SHISA9: variants seen among roughly 807,000 people sequenced by gnomAD.
SHISA9 encodes the protein shisa family member 9.
SHISA9 carries 13 observed loss-of-function variants against 38.0 expected under a neutral mutation model. The observed-to-expected ratio is 0.34, with a 90% CI of 0.22 to 0.54. SHISA9 has a LOEUF of 0.54. Ranked by LOEUF, SHISA9 falls within the 20% of genes least tolerant of loss-of-function variation. SHISA9 has a pLI of 0.91. For synonymous variants in SHISA9, 275 were observed against 242.0 expected (o/e 1.14, Z -1.27); for missense variants, 538 against 575.8 (o/e 0.93, Z 0.67).
the SHISA9 span, among the ~76,000 whole-genome samples, chr16:13,252,527 TC>T: frequency 6.6e-6 from 1 of 152,144 alleles, no homozygotes; most frequent in Non-Finnish European, 1.5e-5. Context: ...GCAGTCTTCC[TC>T]CCCTGGCTCA....
intron 2 of SHISA9, among the ~76,000 whole-genome samples, chr16:12,975,371 G>A (rs1427370540): frequency 1.3e-5 from 2 of 152,036 alleles, no homozygotes; most frequent in Non-Finnish European, 2.9e-5. Flanking sequence ...AGGTGTAGTG[G>A]CTGGCACCTG....
chr16:13,161,656 A>G (rs1214437266), intron 2 of SHISA9, among the ~76,000 whole-genome samples: 1 of 152,154 alleles, frequency 6.6e-6, no homozygotes, highest in Non-Finnish European at 1.5e-5. Flanking sequence ...TTGTCTCTGC[A>G]TTCTAGGTCC....
chr16:13,000,257 T>C (rs1464224680), intron 2 of SHISA9, among the ~76,000 whole-genome samples: 1 of 151,950 alleles, frequency 6.6e-6, no homozygotes, highest in East Asian at 1.9e-4. Flanking sequence ...ATCTCTAAAA[T>C]GGGATAACAA....
chr16:13,548,338 A>G, the SHISA9 span, among the ~76,000 whole-genome samples: 1 of 152,202 alleles, frequency 6.6e-6, no homozygotes, highest in Non-Finnish European at 1.5e-5. Context: ...AGCATAGGCA[A>G]TGGAAGCAAA....
the SHISA9 span, among the ~76,000 whole-genome samples, chr16:13,265,202 T>A: frequency 2.0e-5 from 2 of 98,942 alleles, no homozygotes; most frequent in African/African-American, 7.9e-5. Context: ...CCCCTCCCTT[T>A]CCCTCCACTT....
the SHISA9 span, among the ~76,000 whole-genome samples, chr16:13,421,441 A>T: frequency 6.6e-6 from 1 of 152,142 alleles, no homozygotes; most frequent in Non-Finnish European, 1.5e-5. Context: ...AAAAGCGGAA[A>T]CCCCTGATAA....
intron 2 of SHISA9, among the ~76,000 whole-genome samples, chr16:13,138,517 A>C (rs2050370011): frequency 6.6e-6 from 1 of 152,218 alleles, no homozygotes. Context: ...GGAGATTCTC[A>C]GAAAATATAA....
chr16:13,143,395 C>G (rs1202326853), intron 2 of SHISA9, among the ~76,000 whole-genome samples: 1 of 152,146 alleles, frequency 6.6e-6, no homozygotes, highest in Non-Finnish European at 1.5e-5. Context: ...TATCCCCGTA[C>G]CTATCCTTCT....
the SHISA9 span, among the ~76,000 whole-genome samples, chr16:13,455,705 C>G: frequency 0.027 from 4,119 of 152,232 alleles, 93 homozygotes; most frequent in Non-Finnish European, 0.045. Flanking sequence ...TTGCAGTTAA[C>G]GGTGCCAGGT....
rs956217233 is a variant in SHISA9 at position 13,240,181 on chromosome 16, G to GTT, written c.*4777_*4778dup. The GTT allele has an allele frequency of 6.6e-6, 1 of 152,126 alleles. No individual in the cohort carries two copies. The highest frequency in any genetic ancestry group is 2.4e-5 in the African/African-American group (1 of 41,410). 9.4% of individuals were successfully genotyped at this position (152,126 alleles called of 1,614,324 possible). On this transcript the variant is annotated 3_prime_UTR_variant, in exon 5 of 5. Transcript: ENST00000558583. ...TGGCCTCCCCATCTAACTCTTCCCAGTTTTTTGTGTAAATGGAGCATATTT... is the reference window on the plus strand; with the variant it reads ...TGGCCTCCCCATCTAACTCTTCCCAGTTTTTTTTGTGTAAATGGAGCATATTT...
At chr16:13,266,284 A>G in the SHISA9 span, among the ~76,000 whole-genome samples, 2 of 152,114 alleles carry the variant, frequency 1.3e-5, no homozygotes, top group African/African-American at 2.4e-5. Context: ...TGCATGCATT[A>G]TTATTTCTTT....
At chr16:13,355,200 A>G in the SHISA9 span, among the ~76,000 whole-genome samples, 6 of 149,748 alleles carry the variant, frequency 4.0e-5, no homozygotes, top group Non-Finnish European at 8.9e-5. Flanking sequence ...GTTTTAGGAC[A>G]GGTAAAATGG....
At chr16:13,062,518 C>G (rs943266582) in intron 2 of SHISA9, among the ~76,000 whole-genome samples, 1 of 152,116 alleles carries the variant, frequency 6.6e-6, no homozygotes, top group Non-Finnish European at 1.5e-5. Context: ...GTAGATTTTA[C>G]TGAGGCTTCC....
chr16:13,500,400 C>CA, the SHISA9 span, among the ~76,000 whole-genome samples: 2 of 152,116 alleles, frequency 1.3e-5, no homozygotes, highest in Admixed American at 1.3e-4. Flanking sequence ...AGGACTAAAA[C>CA]AGTGCTGCTC....
chr16:13,539,515 A>T, the SHISA9 span, among the ~76,000 whole-genome samples: 1 of 151,756 alleles, frequency 6.6e-6, no homozygotes, highest in Non-Finnish European at 1.5e-5. Flanking sequence ...ATGTCATGTG[A>T]TAAGTCTCAG....
intron 2 of SHISA9, among the ~76,000 whole-genome samples, chr16:12,939,227 G>T (rs1377956400): frequency 6.6e-6 from 1 of 151,978 alleles, no homozygotes; most frequent in African/African-American, 2.4e-5. Context: ...GGGATCACAG[G>T]TGCTCACCAC....
In SHISA9 at chr16:13,235,256, C is replaced by G. The variant is rs762019715; in HGVS notation, c.1122C>G (p.Asn374Lys). The G allele has an allele frequency of 2.1e-5, 33 of 1,551,662 alleles. No homozygotes were observed. In the South Asian group the frequency reaches 2.5e-4, roughly 12 times the overall value. The change falls in exon 5 of 5, where the codon AAC (asparagine) becomes AAG (lysine). Residue 374 changes from asparagine to lysine, a missense_variant. Asn to Lys is a moderately conservative substitution (Grantham distance 94, BLOSUM62 0). Coordinates refer to ENST00000558583, the MANE Select transcript of SHISA9 (RefSeq NM_001145204.3). Reference sequence around the variant, plus strand: ...CCAACTTTAAGGGCTGGGACCCCAACGAGCAGTCCCTCCGGCGGCAGGCTT... The same window carrying G: ...CCAACTTTAAGGGCTGGGACCCCAAGGAGCAGTCCCTCCGGCGGCAGGCTT... ...STTNFKGWDP[N>K]EQSLRRQAYS...
rs2072680446 is a variant in SHISA9, at chr16:13,011,835, TTTG to T, written c.691+95023_691+95025del. On this transcript the variant is annotated intron_variant, in intron 2 of 4. Coordinates refer to ENST00000558583, the MANE Select transcript of SHISA9 (RefSeq NM_001145204.3). ...CGTGCCTGGCCTTTGACTTTTTTTT[TTTG>T]TTTTTGAGACAGAGTCTTGCTCTGT... Among the ~76,000 whole-genome samples, 3 of 151,770 alleles carry T rather than the reference TTTG, an allele frequency of 2.0e-5. No individual in the cohort carries two copies. The South Asian group carries it at 6.2e-4, about 32-fold the overall frequency.
At chr16:13,147,486 T>C (rs1224878361) in intron 2 of SHISA9, among the ~76,000 whole-genome samples, 6 of 116,058 alleles carry the variant, frequency 5.2e-5, no homozygotes, top group East Asian at 6.2e-4. Context: ...TTTTTTTTTT[T>C]CCAGTCTCGC....
Sources: gnomAD v4.1 joint callset for allele counts (sites outside exome capture counted in the v4.1 genomes callset) on GRCh38, gnomAD v4.1.1 for gene constraint, MANE v1.5 for transcripts, NCBI Gene and HGNC (gene_info 2026-07-23, HGNC 2026-07-21) for gene names.